Variants in SEMA3E observed in about 807,000 individuals in gnomAD.
SEMA3E encodes the protein semaphorin-3E.
Under a neutral mutation model 93.6 loss-of-function variants are expected in SEMA3E, and 49 were observed. The observed-to-expected ratio is 0.52, with a 90% CI of 0.42 to 0.66. SEMA3E has a LOEUF of 0.66. Among genes scored for constraint, SEMA3E ranks in the 30% least tolerant of loss-of-function variants. The probability of loss-of-function intolerance (pLI) is 0.00; values close to 1 mark genes in which losing one functional copy is unlikely to be tolerated. For synonymous variants in SEMA3E, 363 were observed against 330.7 expected (o/e 1.10, Z -1.06); for missense variants, 906 against 964.8 (o/e 0.94, Z 0.81).
intron 1 of SEMA3E, among the ~76,000 whole-genome samples, chr7:83,539,141 A>G (rs1452595853): frequency 3.3e-5 from 5 of 152,184 alleles, no homozygotes; most frequent in Non-Finnish European, 7.3e-5. Flanking sequence ...GGCTGTGTGC[A>G]TTTATCACAA....
At chr7:83,461,842 C>T (rs996687377) in intron 4 of SEMA3E, among the ~76,000 whole-genome samples, 5 of 152,314 alleles carry the variant, frequency 3.3e-5, no homozygotes, top group Admixed American at 6.5e-5. Context: ...GTGAGACAAA[C>T]CCCAGCCACA....
intron 1 of SEMA3E, among the ~76,000 whole-genome samples, chr7:83,537,773 A>G (rs1254295651): frequency 2.0e-5 from 3 of 152,188 alleles, no homozygotes; most frequent in Non-Finnish European, 4.4e-5. Flanking sequence ...ATGTGCAACC[A>G]TCACAACAGT....
intron 5 of SEMA3E, among the ~76,000 whole-genome samples, chr7:83,413,174 G>C (rs1778634220): frequency 6.6e-6 from 1 of 151,888 alleles, no homozygotes. Context: ...TAAATCCATT[G>C]CATTGCCTTA....
chr7:83,401,369 T>C (rs1345403249), intron 10 of SEMA3E, among the ~76,000 whole-genome samples: 1 of 152,106 alleles, frequency 6.6e-6, no homozygotes, highest in Non-Finnish European at 1.5e-5. Flanking sequence ...ACATTTATAA[T>C]GGTGTGGTTT....
chr7:83,447,366 C>A (rs1231137415), intron 4 of SEMA3E, among the ~76,000 whole-genome samples: 1 of 151,304 alleles, frequency 6.6e-6, no homozygotes, highest in Non-Finnish European at 1.5e-5. Context: ...GAAACCCCGT[C>A]TCTACTAAAA....
At chr7:83,591,891 C>CA (rs1397558334) in intron 1 of SEMA3E, among the ~76,000 whole-genome samples, 1 of 151,924 alleles carries the variant, frequency 6.6e-6, no homozygotes, top group African/African-American at 2.4e-5. Flanking sequence ...TAAATGTATT[C>CA]ACATCAATTT....
At chr7:83,593,266 C>CTGTCTG in intron 1 of SEMA3E, among the ~76,000 whole-genome samples, 1 of 116,304 alleles carries the variant, frequency 8.6e-6, no homozygotes, top group Middle Eastern at 4.4e-3. Flanking sequence ...CTCTGTCTCT[C>CTGTCTG]TCTCTCTCTC....
At chr7:83,558,722 T>G (rs929795907) in intron 1 of SEMA3E, among the ~76,000 whole-genome samples, 6 of 151,968 alleles carry the variant, frequency 3.9e-5, no homozygotes, top group African/African-American at 1.4e-4. Flanking sequence ...AATGAGATAA[T>G]AAAACTACTT....
intron 9 of SEMA3E, among the ~76,000 whole-genome samples, chr7:83,403,625 A>C (rs2115631952): frequency 6.6e-6 from 1 of 152,140 alleles, no homozygotes; most frequent in Non-Finnish European, 1.5e-5. Context: ...GTATTGTAAG[A>C]ATCCAAATAA....
intron 1 of SEMA3E, among the ~76,000 whole-genome samples, chr7:83,631,418 T>G (rs922827618): frequency 6.6e-6 from 1 of 152,272 alleles, no homozygotes; most frequent in Non-Finnish European, 1.5e-5. Flanking sequence ...TACTGACATT[T>G]TAGATAAAGC....
intron 1 of SEMA3E, among the ~76,000 whole-genome samples, chr7:83,626,413 T>C (rs886757505): frequency 6.6e-6 from 1 of 152,176 alleles, no homozygotes; most frequent in East Asian, 1.9e-4. Context: ...GGGATTCAAC[T>C]TCCTCCTGGT....
At chr7:83,578,330 G>T (rs112948980) in intron 1 of SEMA3E, among the ~76,000 whole-genome samples, 2,741 of 152,180 alleles carry the variant, frequency 0.018, 81 homozygotes, top group African/African-American at 0.063. Flanking sequence ...GCCGTGGTGG[G>T]TGGATCACTT....
intron 3 of SEMA3E, 47 bp from the exon 4 acceptor site, chr7:83,466,648 G>T (rs1402324069): frequency 6.2e-7 from 1 of 1,605,612 alleles, no homozygotes; most frequent in South Asian, 1.1e-5. Flanking sequence ...TAATAAACAT[G>T]TTTCGTCCTT....
chr7:83,403,097 A>G (rs933163724), intron 9 of SEMA3E, among the ~76,000 whole-genome samples: 6 of 151,942 alleles, frequency 3.9e-5, no homozygotes, highest in African/African-American at 1.4e-4. Flanking sequence ...CATATTAACA[A>G]AGGCTTATTC....
chr7:83,543,708 A>G (rs1197625048), intron 1 of SEMA3E, among the ~76,000 whole-genome samples: 1 of 152,080 alleles, frequency 6.6e-6, no homozygotes, highest in African/African-American at 2.4e-5. Context: ...AATTGATTAA[A>G]TATGGCTCTT....
chr7:83,588,661 C>A (rs1158721413), intron 1 of SEMA3E, among the ~76,000 whole-genome samples: 9 of 152,184 alleles, frequency 5.9e-5, no homozygotes, highest in Admixed American at 4.6e-4. Flanking sequence ...GTGTTTGAAC[C>A]TTTTTCCTCT....
intron 1 of SEMA3E, among the ~76,000 whole-genome samples, chr7:83,552,073 C>T (rs1158349034): frequency 4.6e-5 from 7 of 151,894 alleles, no homozygotes. Flanking sequence ...TAGTTCTGAC[C>T]CTGAAAAACA....
chr7:83,631,720 A>G (rs1483211912), intron 1 of SEMA3E, among the ~76,000 whole-genome samples: 2 of 152,212 alleles, frequency 1.3e-5, no homozygotes, highest in Non-Finnish European at 2.9e-5. Context: ...TAACTTCAGC[A>G]AACAAACCAC....
At chr7:83,474,579 G>A (rs542514426) in intron 2 of SEMA3E, among the ~76,000 whole-genome samples, 69 of 152,260 alleles carry the variant, frequency 4.5e-4, no homozygotes, top group Non-Finnish European at 7.5e-4. Flanking sequence ...AGAGAAAAAT[G>A]GTGATATAAA....
Sources: allele counts gnomAD v4.1 joint callset (sites outside exome capture counted in the v4.1 genomes callset), GRCh38; gene constraint gnomAD v4.1.1; transcripts MANE v1.5; gene names NCBI Gene and HGNC (gene_info 2026-07-23, HGNC 2026-07-21).